ZNF277: variants seen among roughly 807,000 people sequenced by gnomAD.
ZNF277 encodes the protein zinc finger protein 277, also known as nuclear receptor-interacting factor 4.
A neutral mutation model predicts 60.7 loss-of-function variants in ZNF277; 55 were observed. The ratio of observed to expected loss-of-function variants is 0.91; its 90% CI spans 0.73 to 1.13. ZNF277 has a LOEUF of 1.13. ZNF277 is among the 50% of genes most tolerant of loss of function. The pLI is 0.00. For synonymous variants in ZNF277, 178 were observed against 179.3 expected, an observed-to-expected ratio of 0.99 and a Z score of 0.06; for missense variants, 510 against 523.0, an observed-to-expected ratio of 0.98 and a Z score of 0.24.
At chr7:112,341,171 T>A in intron 11 of ZNF277, 125 bp downstream of exon 11, 2 of 824,602 alleles carry the variant, frequency 2.4e-6, no homozygotes, top group Non-Finnish European at 3.5e-6. Flanking sequence ...TATACATCAG[T>A]ACAGTGTGGG....
chr7:112,294,797 TTAA>T (rs1368634261), intron 2 of ZNF277, among the ~76,000 whole-genome samples: 1 of 152,194 alleles, frequency 6.6e-6, no homozygotes, highest in South Asian at 2.1e-4. Context: ...AAGAAAAAAA[TTAA>T]TAATAAAAAG....
At chr7:112,309,447 C>G (rs990701304) in intron 4 of ZNF277, among the ~76,000 whole-genome samples, 6 of 151,888 alleles carry the variant, frequency 4.0e-5, no homozygotes, top group Admixed American at 1.3e-4. Context: ...AGTCAGGAGA[C>G]AAGAAGTATC....
At chr7:112,250,570 T>C (rs903880387) in intron 1 of ZNF277, among the ~76,000 whole-genome samples, 3 of 152,200 alleles carry the variant, frequency 2.0e-5, no homozygotes, top group African/African-American at 4.8e-5. Context: ...GATGCCCGGC[T>C]TTAAAATTTC....
chr7:112,294,153 T>G (rs1373532838), intron 2 of ZNF277, among the ~76,000 whole-genome samples: 1 of 152,222 alleles, frequency 6.6e-6, no homozygotes, highest in Non-Finnish European at 1.5e-5. Context: ...TTTATTCTCT[T>G]AAGCCTCCTC....
chr7:112,252,423 G>T (rs963710097), intron 1 of ZNF277, among the ~76,000 whole-genome samples: 2 of 152,156 alleles, frequency 1.3e-5, no homozygotes, highest in African/African-American at 4.8e-5. Flanking sequence ...TCTGTGTGCG[G>T]TACAAGGGTA....
chr7:112,296,962 C>T lies in ZNF277; in HGVS notation c.465+651C>T, dbSNP rs1584388609. On this transcript the variant is annotated intron_variant, in intron 4 of 11. Transcript: ENST00000361822. ...TTTTTTTTTGAGATGGAGTCTCGCTCTGTTGCCCAGGCTGGAGTGCAGTGG... is the reference window on the plus strand; with the variant it reads ...TTTTTTTTTGAGATGGAGTCTCGCTTTGTTGCCCAGGCTGGAGTGCAGTGG... Among the ~76,000 whole-genome samples the T allele has an allele frequency of 4.3e-5, 3 of 69,422 alleles. No individual in the cohort carries two copies. The South Asian group carries it at 1.6e-3, about 37-fold the overall frequency. 45.5% of individuals were successfully genotyped at this position (69,422 alleles called of 152,430 possible).
At chr7:112,227,380 T>C (rs1822203145) in intron 1 of ZNF277, among the ~76,000 whole-genome samples, 1 of 152,212 alleles carries the variant, frequency 6.6e-6, no homozygotes, top group African/African-American at 2.4e-5. Flanking sequence ...TACAGCAGAT[T>C]CTGAGAGACT....
intron 1 of ZNF277, among the ~76,000 whole-genome samples, chr7:112,258,156 C>G (rs548455346): frequency 6.6e-6 from 1 of 151,904 alleles, no homozygotes; most frequent in Non-Finnish European, 1.5e-5. Context: ...GTAAATTTGG[C>G]GTGAGAGTTG....
chr7:112,280,783 GC>G (rs1282497164), intron 1 of ZNF277, among the ~76,000 whole-genome samples: 1 of 151,946 alleles, frequency 6.6e-6, no homozygotes, highest in Non-Finnish European at 1.5e-5. Flanking sequence ...CAGCCACCAC[GC>G]CCGGCTAATT....
chr7:112,337,829 A>C lies in ZNF277; in HGVS notation c.966+3A>C. ...AGAAGTTGTATGTCCACATGGAGGT[A>C]AGATACCTGTATTTATTTGAATTTT... On this transcript the variant is annotated splice_donor_region_variant and intron_variant, in intron 9 of 11. Transcript: ENST00000361822. 1 of 1,607,448 alleles carries C rather than the reference A, an allele frequency of 6.2e-7. No individual in the cohort carries two copies. The highest frequency in any genetic ancestry group is 1.7e-5 in the Admixed American group (1 of 59,870).
chr7:112,322,039 A>G (rs1268970583), intron 5 of ZNF277, among the ~76,000 whole-genome samples: 2 of 152,126 alleles, frequency 1.3e-5, no homozygotes, highest in Non-Finnish European at 2.9e-5. Context: ...AAAAGAACAA[A>G]AAAAAATAAA....
At chr7:112,337,701 C>T (rs747230038) in intron 8 of ZNF277, 29 bp from the exon 9 acceptor site, 34 of 1,587,156 alleles carry the variant, frequency 2.1e-5, no homozygotes, top group African/African-American at 2.7e-5. Context: ...AGGGAATCTC[C>T]GTATTTTCTC....
chr7:112,330,258 T>G, intron 7 of ZNF277, 42 bp downstream of exon 7: 1 of 1,599,042 alleles, frequency 6.3e-7, no homozygotes, highest in Non-Finnish European at 8.5e-7. Context: ...ATTGCAGTAC[T>G]GCAAACAAAA....
intron 10 of ZNF277, among the ~76,000 whole-genome samples, chr7:112,340,479 T>C (rs1793421796): frequency 6.6e-6 from 1 of 152,210 alleles, no homozygotes; most frequent in Non-Finnish European, 1.5e-5. Context: ...CTTTCCTAGG[T>C]CCTTGGATGT....
intron 1 of ZNF277, among the ~76,000 whole-genome samples, chr7:112,225,349 C>T (rs527820081): frequency 6.6e-6 from 1 of 152,278 alleles, no homozygotes; most frequent in East Asian, 1.9e-4. Flanking sequence ...CTCATTAATC[C>T]TGAATAATCA....
At chr7:112,240,343 A>T (rs1284395075) in intron 1 of ZNF277, among the ~76,000 whole-genome samples, 1 of 152,232 alleles carries the variant, frequency 6.6e-6, no homozygotes, top group Non-Finnish European at 1.5e-5. Context: ...AGATTGAATA[A>T]GATGTAGTAT....
chr7:112,213,229 C>T (rs1821799840), intron 1 of ZNF277, among the ~76,000 whole-genome samples: 2 of 152,182 alleles, frequency 1.3e-5, no homozygotes, highest in Non-Finnish European at 1.5e-5. Context: ...GTGACTTGCT[C>T]TTCCTTGCCT....
intron 1 of ZNF277, among the ~76,000 whole-genome samples, chr7:112,240,859 T>C (rs1790929827): frequency 6.6e-6 from 1 of 152,144 alleles, no homozygotes; most frequent in Non-Finnish European, 1.5e-5. Flanking sequence ...CAAATCAAAA[T>C]GGATTAAAGA....
rs184393119 is a variant in ZNF277, at chr7:112,327,263, C to T, written c.558-454C>T. Among the ~76,000 whole-genome samples, 229 of 152,288 alleles carry T rather than the reference C, an allele frequency of 1.5e-3. 1 individual carries two copies. The highest frequency in any genetic ancestry group is 5.2e-3 in the African/African-American group (216 of 41,554). ...ATCTCAGATCATCAGGCATTAGATT[C>T]TCATAAGAAGTACACAACCTAGATC... On this transcript the variant is annotated intron_variant, in intron 5 of 11. Coordinates refer to ENST00000361822, the MANE Select transcript of ZNF277 (RefSeq NM_021994.3).
Sources: gnomAD v4.1 joint callset for allele counts (sites outside exome capture counted in the v4.1 genomes callset) on GRCh38, gnomAD v4.1.1 for gene constraint, MANE v1.5 for transcripts, NCBI Gene and HGNC (gene_info 2026-07-23, HGNC 2026-07-21) for gene names.